AKR1C8: variants seen among roughly 807,000 people sequenced by gnomAD.
AKR1C8 encodes the protein aldo-keto reductase family 1 member C-like protein 1.
chr10:5,148,408 G>A, the AKR1C8 span, among the ~76,000 whole-genome samples: 11 of 152,258 alleles, frequency 7.2e-5, no homozygotes, highest in African/African-American at 2.6e-4. Context: ...TCTATTAGAG[G>A]TTTGTTTTGG....
the AKR1C8 span, among the ~76,000 whole-genome samples, chr10:5,166,168 T>C: frequency 6.6e-6 from 1 of 152,036 alleles, no homozygotes; most frequent in East Asian, 1.9e-4. Flanking sequence ...GCATTGAGAT[T>C]CCTTTGACCC....
the AKR1C8 span, among the ~76,000 whole-genome samples, chr10:5,153,903 A>G: frequency 6.6e-6 from 1 of 152,236 alleles, no homozygotes; most frequent in Non-Finnish European, 1.5e-5. Flanking sequence ...AGTATTCTGT[A>G]AGGAAAGAAT....
the AKR1C8 span, among the ~76,000 whole-genome samples, chr10:5,158,223 G>A: frequency 6.6e-6 from 1 of 152,160 alleles, no homozygotes; most frequent in Non-Finnish European, 1.5e-5. Context: ...AGAAGTTATT[G>A]TCTCAGAAGG....
chr10:5,120,493 CT>C, the AKR1C8 span, among the ~76,000 whole-genome samples: 3 of 151,834 alleles, frequency 2.0e-5, no homozygotes, highest in East Asian at 1.9e-4. Context: ...TTCCCGTGTT[CT>C]TTTTTTTCAT....
chr10:5,149,452 A>G, the AKR1C8 span, among the ~76,000 whole-genome samples: 1 of 152,184 alleles, frequency 6.6e-6, no homozygotes, highest in Non-Finnish European at 1.5e-5. Flanking sequence ...CTCTCAGATT[A>G]GACTTTTAAA....
chr10:5,163,536 T>C, the AKR1C8 span, among the ~76,000 whole-genome samples: 1 of 152,180 alleles, frequency 6.6e-6, no homozygotes, highest in Non-Finnish European at 1.5e-5. Context: ...AAATAGTGTA[T>C]TTCATGAGAA....
chr10:5,160,995 G>A, the AKR1C8 span: 6 of 424,752 alleles, frequency 1.4e-5, no homozygotes, highest in African/African-American at 6.2e-5. Flanking sequence ...AGGAGGTGGT[G>A]ATTATTAATC....
the AKR1C8 span, among the ~76,000 whole-genome samples, chr10:5,136,312 C>T: frequency 6.6e-6 from 1 of 152,058 alleles, no homozygotes; most frequent in African/African-American, 2.4e-5. Flanking sequence ...CTTTGGGAGG[C>T]TGAGGTAGGT....
the AKR1C8 span, among the ~76,000 whole-genome samples, chr10:5,181,155 A>C: frequency 6.6e-6 from 1 of 152,178 alleles, no homozygotes; most frequent in Non-Finnish European, 1.5e-5. Flanking sequence ...TTTCTTAAGA[A>C]GCTAATCTAC....
the AKR1C8 span, among the ~76,000 whole-genome samples, chr10:5,175,320 G>A: frequency 1.3e-5 from 2 of 151,860 alleles, no homozygotes; most frequent in Non-Finnish European, 2.9e-5. Context: ...ATTTTTTATG[G>A]CTACATAGTA....
At chr10:5,154,070 C>T in the AKR1C8 span, 1 of 444,672 alleles carries the variant, frequency 2.2e-6, no homozygotes, top group South Asian at 1.7e-5. Context: ...ACTCCTCTAT[C>T]AAATACTGAA....
At chr10:5,166,260 C>G in the AKR1C8 span, among the ~76,000 whole-genome samples, 2 of 152,010 alleles carry the variant, frequency 1.3e-5, no homozygotes, top group Admixed American at 6.6e-5. Context: ...CTACCAATGA[C>G]TTTCTTCACA....
the AKR1C8 span, among the ~76,000 whole-genome samples, chr10:5,125,044 A>AT: frequency 9.9e-5 from 15 of 151,430 alleles, no homozygotes; most frequent in African/African-American, 2.2e-4. Flanking sequence ...TCACAATTGG[A>AT]TTTTTTTTTG....
chr10:5,169,181 A>G, the AKR1C8 span, among the ~76,000 whole-genome samples: 2 of 152,168 alleles, frequency 1.3e-5, no homozygotes, highest in Non-Finnish European at 2.9e-5. Flanking sequence ...TTGTAGTTAG[A>G]AGAGAAGTGA....
At chr10:5,151,522 A>C in the AKR1C8 span, among the ~76,000 whole-genome samples, 1 of 150,272 alleles carries the variant, frequency 6.7e-6, no homozygotes, top group African/African-American at 2.4e-5. Context: ...TTCTAATTAT[A>C]ATTTTGTACT....
the AKR1C8 span, chr10:5,158,635 G>C: frequency 2.1e-6 from 1 of 482,856 alleles, no homozygotes; most frequent in Non-Finnish European, 4.3e-6. Context: ...GGGCACTGTA[G>C]GCAACTAGAA....
the AKR1C8 span, among the ~76,000 whole-genome samples, chr10:5,132,402 G>T: frequency 6.6e-6 from 1 of 152,146 alleles, no homozygotes; most frequent in Non-Finnish European, 1.5e-5. Flanking sequence ...TGATTTTCAA[G>T]TAACAAATTT....
chr10:5,123,905 G>T, the AKR1C8 span: 1 of 1,364,428 alleles, frequency 7.3e-7, no homozygotes, highest in South Asian at 1.5e-5. Context: ...AGTAAAAGGA[G>T]GTGAATAAAT....
the AKR1C8 span, among the ~76,000 whole-genome samples, chr10:5,129,888 G>A: frequency 9.2e-5 from 14 of 151,852 alleles, no homozygotes; most frequent in African/African-American, 3.1e-4. Flanking sequence ...AAAAGATAGA[G>A]AGAGACGGAA....
Sources: allele counts gnomAD v4.1 joint callset (sites outside exome capture counted in the v4.1 genomes callset), GRCh38; gene constraint gnomAD v4.1.1; transcripts MANE v1.5; gene names NCBI Gene and HGNC (gene_info 2026-07-23, HGNC 2026-07-21).